Variants in ZBTB40 observed in about 807,000 individuals in gnomAD.
ZBTB40 encodes the protein zinc finger and BTB domain-containing protein 40.
In ZBTB40, 60 loss-of-function variants were observed where a neutral mutation model predicts 117.5. That is an observed-to-expected ratio of 0.51 (90% CI 0.41 to 0.63). ZBTB40 has a LOEUF of 0.63. Ranked by LOEUF, ZBTB40 falls within the 30% of genes least tolerant of loss-of-function variation. The probability of loss-of-function intolerance (pLI) is 0.00; values close to 1 mark genes in which losing one functional copy is unlikely to be tolerated. For missense variants in ZBTB40, 1,287 were observed against 1,498.5 expected, an observed-to-expected ratio of 0.86 and a Z score of 2.33; for synonymous variants, 525 against 577.1, an observed-to-expected ratio of 0.91 and a Z score of 1.29.
rs1639811031 is a variant in ZBTB40 at position 22,530,881 on chromosome 1, AC to A, written c.*4488del. 6.6e-6 allele frequency: 1 copy of A among 151,900 alleles called. No homozygotes were observed. The highest frequency in any genetic ancestry group is 2.1e-4 in the South Asian group (1 of 4,810). The allele number at this position is 151,900 out of a possible 1,614,324, so 9.4% of individuals were successfully genotyped here. A position where few individuals can be genotyped will look rare whatever the true frequency, so the allele number is the denominator to read the frequency against. On this transcript the variant is annotated 3_prime_UTR_variant, in exon 18 of 18. Transcript: ENST00000375647. ...CTGTCACTTGGAGTCTCATTCCTAAACCCTCCTTCCCAGGGAGCAAGTGTGG... is the reference window on the plus strand; with the variant it reads ...CTGTCACTTGGAGTCTCATTCCTAAACCTCCTTCCCAGGGAGCAAGTGTGG...
At chr1:22,460,090 T>C (rs1641096799) in intron 1 of ZBTB40, among the ~76,000 whole-genome samples, 1 of 152,210 alleles carries the variant, frequency 6.6e-6, no homozygotes, top group African/African-American at 2.4e-5. Flanking sequence ...CATCCTATTA[T>C]ATTGTTCCCT....
At chr1:22,526,114 A>T in intron 17 of ZBTB40, 88 bp from the exon 18 acceptor site, 1 of 1,488,082 alleles carries the variant, frequency 6.7e-7, no homozygotes, top group Non-Finnish European at 9.3e-7. Flanking sequence ...CATAAATATC[A>T]TCATTACAGC....
intron 1 of ZBTB40, among the ~76,000 whole-genome samples, chr1:22,479,669 A>G (rs1417771909): frequency 6.6e-6 from 1 of 152,168 alleles, no homozygotes; most frequent in Non-Finnish European, 1.5e-5. Context: ...TATGTCTTCA[A>G]ATTGCTTCTC....
At chr1:22,510,262 A>G (rs1376657647) in intron 9 of ZBTB40, among the ~76,000 whole-genome samples, 1 of 152,192 alleles carries the variant, frequency 6.6e-6, no homozygotes, top group Non-Finnish European at 1.5e-5. Flanking sequence ...GCGGGTTTCT[A>G]ACTCTCTCTG....
chr1:22,493,415 G>T (rs984652725), intron 3 of ZBTB40, among the ~76,000 whole-genome samples: 8 of 152,160 alleles, frequency 5.3e-5, no homozygotes, highest in African/African-American at 1.9e-4. Context: ...ATGCTGCTTT[G>T]TACTTCGGCC....
chr1:22,481,726 A>G (rs1482141468), intron 1 of ZBTB40, among the ~76,000 whole-genome samples: 1 of 130,420 alleles, frequency 7.7e-6, no homozygotes, highest in Non-Finnish European at 1.6e-5. Flanking sequence ...AAAAGATCTA[A>G]TGTATGTCCA....
At chr1:22,446,468 A>G (rs1352779681) in intron 1 of ZBTB40, among the ~76,000 whole-genome samples, 1 of 152,110 alleles carries the variant, frequency 6.6e-6, no homozygotes, top group African/African-American at 2.4e-5. Context: ...CTACCTAACC[A>G]TATCATTTTC....
rs1298486436 is a variant in ZBTB40, at chr1:22,526,417, G to A, written c.*21G>A. On this transcript the variant is annotated 3_prime_UTR_variant, in exon 18 of 18. Transcript: ENST00000375647. ...AATGAGCAGCCTTTCATCCGGCAGA[G>A]CCTTCCTGCGTTTGCAGCAGAGAGG... is the stretch of plus-strand genomic sequence containing the variant. 1.2e-6 allele frequency: 2 copies of A among 1,613,178 alleles called. No homozygotes were observed. Among genetic ancestry groups the A allele is most frequent in the African/African-American group, 2.7e-5 (2 of 74,932 alleles).
chr1:22,496,992 G>A (rs1371362320), intron 3 of ZBTB40, among the ~76,000 whole-genome samples: 1 of 152,206 alleles, frequency 6.6e-6, no homozygotes, highest in African/African-American at 2.4e-5. Context: ...AGAGCCCTTG[G>A]CAAACCACCG....
intron 3 of ZBTB40, among the ~76,000 whole-genome samples, chr1:22,492,044 A>G (rs1638644751): frequency 6.6e-6 from 1 of 152,210 alleles, no homozygotes; most frequent in African/African-American, 2.4e-5. Context: ...AGCTTGGCAT[A>G]TGTGTTACCG....
intron 1 of ZBTB40, among the ~76,000 whole-genome samples, chr1:22,457,532 GA>G (rs1641032026): frequency 6.6e-6 from 1 of 152,186 alleles, no homozygotes; most frequent in Non-Finnish European, 1.5e-5. Context: ...TTGCATGAGC[GA>G]CCTCTGCTGC....
At chr1:22,512,247 T>C (rs977598721) in intron 11 of ZBTB40, 113 bp downstream of exon 11, 2 of 1,175,484 alleles carry the variant, frequency 1.7e-6, no homozygotes, top group Non-Finnish European at 2.5e-6. Flanking sequence ...GCTTAGAAAA[T>C]AGAGCAGGTT....
At chr1:22,509,359 T>G in intron 9 of ZBTB40, 126 bp downstream of exon 9, 1 of 1,394,714 alleles carries the variant, frequency 7.2e-7, no homozygotes, top group African/African-American at 1.4e-5. Flanking sequence ...TTCCTTTTTC[T>G]CTTTTGAGAC....
Position 22,531,093 on chromosome 1 carries a change from G to A in ZBTB40, c.*4697G>A, listed in dbSNP as rs988921365. 1.3e-5 allele frequency: 2 copies of A among 152,108 alleles called. No homozygotes were observed. Among genetic ancestry groups the A allele is most frequent in the African/African-American group, 4.8e-5 (2 of 41,400 alleles). 9.4% of individuals were successfully genotyped at this position (152,108 alleles called of 1,614,324 possible). ...GAATTGTAGTATGAATTAAAAGTCT[G>A]GATTTAATGTATTTAATATAGAAAA... On this transcript the variant is annotated 3_prime_UTR_variant, in exon 18 of 18. Transcript: ENST00000375647.
upstream of ZBTB40, among the ~76,000 whole-genome samples, chr1:22,448,625 C>T (rs1640815678): frequency 6.6e-6 from 1 of 152,036 alleles, no homozygotes; most frequent in Non-Finnish European, 1.5e-5. Flanking sequence ...ATTATTTACG[C>T]CCTCTAAGTC....
intron 6 of ZBTB40, among the ~76,000 whole-genome samples, chr1:22,506,702 A>G (rs867722396): frequency 1.3e-5 from 2 of 152,090 alleles, no homozygotes; most frequent in South Asian, 2.1e-4. Flanking sequence ...TCCATATCCT[A>G]TTTCTTAGAA....
intron 2 of ZBTB40, 106 bp downstream of exon 2, chr1:22,490,751 A>T (rs1171836263): frequency 2.3e-6 from 3 of 1,319,658 alleles, no homozygotes; most frequent in East Asian, 2.5e-5. Flanking sequence ...GTAGAAAACC[A>T]AAATTCAGTG....
chr1:22,478,518 A>C (rs986249378), intron 1 of ZBTB40, among the ~76,000 whole-genome samples: 10 of 152,118 alleles, frequency 6.6e-5, no homozygotes, highest in Non-Finnish European at 1.3e-4. Flanking sequence ...AAGTGCTGGG[A>C]TTAAGGCGTG....
chr1:22,490,239 A>G lies in ZBTB40; in HGVS notation c.291A>G (p.Ala97=). 1.2e-6 allele frequency: 2 copies of G among 1,614,212 alleles called. No homozygotes were observed. Residue 97 remains alanine, a synonymous_variant, in exon 2 of 18, where the codon GCA becomes GCG. Transcript: ENST00000375647. The part of the protein sequence containing the change: ...KHNFSKIISL[A]DSLQMFDVAV... Reference sequence around the variant, plus strand: ...ACTTCTCCAAAATCATCTCCTTAGCAGACAGTCTACAGATGTTTGATGTAG... The same window carrying G: ...ACTTCTCCAAAATCATCTCCTTAGCGGACAGTCTACAGATGTTTGATGTAG...
Sources: allele counts gnomAD v4.1 joint callset (sites outside exome capture counted in the v4.1 genomes callset), GRCh38; gene constraint gnomAD v4.1.1; transcripts MANE v1.5; gene names NCBI Gene and HGNC (gene_info 2026-07-23, HGNC 2026-07-21).